The following DOCK10 variants were observed in gnomAD, a reference collection of about 807,000 sequenced individuals.
DOCK10 encodes dedicator of cytokinesis protein 10.
In DOCK10, 145 loss-of-function variants were observed where a neutral mutation model predicts 280.1. The observed-to-expected ratio is 0.52, with a 90% confidence interval of 0.45 to 0.59. The LOEUF (loss-of-function observed/expected upper bound fraction) is 0.59, where lower values mean the gene tolerates loss of function less well. DOCK10 is among the 20% of genes least tolerant of loss of function. DOCK10 has a pLI of 0.00. For synonymous variants in DOCK10, 915 were observed against 942.2 expected (o/e 0.97, Z 0.53); for missense variants, 2,368 against 2,651.7 (o/e 0.89, Z 2.35).
In DOCK10 at chr2:224,807,765, G is replaced by A. The variant is rs572311602; in HGVS notation, c.3605C>T (p.Ala1202Val). 1.9e-6 allele frequency: 3 copies of A among 1,570,316 alleles called. No homozygotes were observed. In the African/African-American group the frequency reaches 4.0e-5, roughly 21 times the overall value. Residue 1202 changes from alanine to valine, a missense_variant, in exon 33 of 56, where the codon GCA (alanine) becomes GTA (valine). Transcript: ENST00000258390. ...GCCGTACAGGGGCATGTATAAACTT[G>A]CTATCTGGGCCTGCTTTCTCTAGGA... ...YREPRKQAQI[A>V]SLYMPLYGML...
intron 1 of DOCK10, among the ~76,000 whole-genome samples, chr2:225,014,211 A>C (rs1334366867): frequency 1.3e-5 from 2 of 151,078 alleles, no homozygotes; most frequent in Non-Finnish European, 2.9e-5. Context: ...TGCCTCTGGG[A>C]ATTTTTGATG....
intron 3 of DOCK10, among the ~76,000 whole-genome samples, chr2:224,914,801 GAAAC>G (rs1701220159): frequency 6.6e-6 from 1 of 151,964 alleles, no homozygotes; most frequent in Non-Finnish European, 1.5e-5. Flanking sequence ...AAAAATCAAA[GAAAC>G]AATATACTTA....
intron 16 of DOCK10, among the ~76,000 whole-genome samples, chr2:224,854,514 G>A (rs765763092): frequency 5.3e-5 from 8 of 152,164 alleles, no homozygotes; most frequent in Non-Finnish European, 1.2e-4. Flanking sequence ...CAATATGGCA[G>A]AACTAGCCTC....
intron 7 of DOCK10, among the ~76,000 whole-genome samples, chr2:224,877,382 T>C (rs1277273673): frequency 6.6e-6 from 1 of 151,956 alleles, no homozygotes; most frequent in Non-Finnish European, 1.5e-5. Flanking sequence ...AAGGATTCAA[T>C]AGTGGTGGGT....
chr2:225,012,037 A>T (rs1412900869), intron 1 of DOCK10, among the ~76,000 whole-genome samples: 1 of 152,156 alleles, frequency 6.6e-6, no homozygotes, highest in Admixed American at 6.5e-5. Flanking sequence ...CAATATTATT[A>T]TTATCAATAA....
intron 7 of DOCK10, among the ~76,000 whole-genome samples, chr2:224,877,135 C>T (rs1698677418): frequency 6.6e-6 from 1 of 152,176 alleles, no homozygotes; most frequent in Non-Finnish European, 1.5e-5. Context: ...GTGTGTGCCC[C>T]CATGTACTTA....
chr2:224,828,815 G>A (rs899343033), intron 27 of DOCK10, among the ~76,000 whole-genome samples: 3 of 152,138 alleles, frequency 2.0e-5, no homozygotes, highest in African/African-American at 7.2e-5. Context: ...AATGATGACT[G>A]GAACTCCTAG....
intron 50 of DOCK10, among the ~76,000 whole-genome samples, chr2:224,783,724 C>T (rs1406633691): frequency 6.6e-6 from 1 of 151,438 alleles, no homozygotes; most frequent in Non-Finnish European, 1.5e-5. Flanking sequence ...ACTGCCCCCC[C>T]TCAGTCTATT....
At position 224,802,015 on chromosome 2, in the gene DOCK10, C is replaced by T; in HGVS notation, c.4294G>A (p.Gly1432Ser). The T allele has an allele frequency of 6.2e-7, 1 of 1,612,828 alleles. No homozygotes were observed. The highest frequency in any genetic ancestry group is 8.5e-7 in the Non-Finnish European group (1 of 1,179,256). ...QWMHSTSSHE[G>S]HKQHRSQTLP... is the part of the protein sequence containing the mutation. ...GTTTGTGATCTGTGCTGCTTATGGC[C>T]TTCATGACTGGAAGTGGAGTGCATC... The change falls in exon 40 of 56, where the codon GGC (glycine) becomes AGC (serine). Residue 1432 changes from glycine (G) to serine (S), a missense_variant. This residue lies in a region of DOCK10 where 1,159 missense variants were observed against 1,400.8 expected (regional missense o/e 0.83). Transcript: ENST00000258390.
chr2:224,793,860 T>C (rs1429775810), intron 45 of DOCK10, among the ~76,000 whole-genome samples: 1 of 152,180 alleles, frequency 6.6e-6, no homozygotes, highest in East Asian at 1.9e-4. Flanking sequence ...TTTAACCTCC[T>C]GGAATAGCCC....
chr2:224,888,822 A>G (rs190507603), intron 4 of DOCK10, among the ~76,000 whole-genome samples: 1 of 151,000 alleles, frequency 6.6e-6, no homozygotes, highest in Non-Finnish European at 1.5e-5. Context: ...GTGTGTATGT[A>G]TGTGTGTGAA....
Position 224,787,263 on chromosome 2 carries a change from TG to T in DOCK10, c.5541+11del. The T allele has an allele frequency of 6.2e-7, 1 of 1,613,928 alleles. No individual in the cohort carries two copies. Among genetic ancestry groups the T allele is most frequent in the Non-Finnish European group, 8.5e-7 (1 of 1,179,844 alleles). ...ATATTTTAATTAACTTCTAGGGGGT[TG>T]GAATACATACTTTGAAGTCTCGTTG... On this transcript the variant is annotated intron_variant, in intron 49 of 55. Transcript: ENST00000258390.
At chr2:224,847,852 A>G (rs1696464080) in intron 19 of DOCK10, among the ~76,000 whole-genome samples, 1 of 152,210 alleles carries the variant, frequency 6.6e-6, no homozygotes, top group South Asian at 2.1e-4. Flanking sequence ...AGCACCCACT[A>G]GATGTCCTGA....
In DOCK10 at chr2:224,770,225, C is replaced by T. The variant is rs2124944623; in HGVS notation, c.6430G>A (p.Val2144Ile). ...GGAGCGCTCACCTGCTCATTCATGACTGTGGAGAGTTCGCTGAGCATGTCC... is the reference window on the plus strand; with the variant it reads ...GGAGCGCTCACCTGCTCATTCATGATTGTGGAGAGTTCGCTGAGCATGTCC... ...YKDMLSELST[V>I]MNEQITGRDD... The change falls in exon 55 of 56, where the codon GTC becomes ATC. Residue 2144 changes from valine (V) to isoleucine (I), a missense_variant. Val to Ile is a conservative substitution (Grantham distance 29, BLOSUM62 3). This residue lies in a region of DOCK10 where 1,159 missense variants were observed against 1,400.8 expected (regional missense o/e 0.83). Transcript: ENST00000258390. This position sits in a 1 kb window ranked among gnomAD's most constrained non-coding sequence, Gnocchi z 4.5. 3 of 1,592,322 alleles carry T rather than the reference C, an allele frequency of 1.9e-6. No individual in the cohort carries two copies. The highest frequency in any genetic ancestry group is 1.2e-5 in the South Asian group (1 of 86,790).
At position 224,957,286 on chromosome 2, in the gene DOCK10, C is replaced by CA. The variant is rs567289836; in HGVS notation, c.124-25619_124-25618insT. Among the ~76,000 whole-genome samples, 9 of 34,410 alleles carry CA rather than the reference C, an allele frequency of 2.6e-4. 1 individual carries two copies. Among genetic ancestry groups the CA allele is most frequent in the Non-Finnish European group, 3.8e-4 (5 of 12,988 alleles). The allele number at this position is 34,410 out of a possible 152,430, so 22.6% of individuals were successfully genotyped here. The stretch of plus-strand genomic sequence containing the variant: ...TCTAGTATTTAGTTTTTACTTTCCG[C>CA]CCCCCCCCGGCTTTGTTTTTCGGAG... On this transcript the variant is annotated intron_variant, in intron 1 of 55. Coordinates refer to ENST00000258390, the MANE Select transcript of DOCK10 (RefSeq NM_014689.3).
intron 9 of DOCK10, 22 bp downstream of exon 9, chr2:224,874,644 A>G (rs777814809): frequency 1.2e-6 from 2 of 1,606,672 alleles, no homozygotes; most frequent in East Asian, 4.5e-5. Context: ...TGGTTTTGCA[A>G]GTACAATGCC....
intron 55 of DOCK10, among the ~76,000 whole-genome samples, chr2:224,767,032 T>A (rs1398546083): frequency 6.6e-6 from 1 of 152,234 alleles, no homozygotes; most frequent in African/African-American, 2.4e-5. Context: ...TTGGAGTGAA[T>A]TGCATATGTA....
At chr2:224,993,113 C>A (rs1706174467) in intron 1 of DOCK10, among the ~76,000 whole-genome samples, 1 of 151,872 alleles carries the variant, frequency 6.6e-6, no homozygotes, top group African/African-American at 2.4e-5. Flanking sequence ...ACAGTCACCC[C>A]AGTTAGCTCT....
At chr2:225,017,710 A>C (rs369054712) in intron 1 of DOCK10, among the ~76,000 whole-genome samples, 7 of 119,848 alleles carry the variant, frequency 5.8e-5, no homozygotes, top group African/African-American at 1.4e-4. Flanking sequence ...TGTTCCAAAA[A>C]AAAAAAAAAA....
Sources: gnomAD v4.1 joint callset for allele counts (sites outside exome capture counted in the v4.1 genomes callset) on GRCh38, gnomAD v4.1.1 for gene constraint, gnomAD v4.1.1 regional missense constraint, Gnocchi (gnomAD v3.1) non-coding constraint, MANE v1.5 for transcripts, NCBI Gene and HGNC (gene_info 2026-07-23, HGNC 2026-07-21) for gene names.